The following NPTXR variants were observed in gnomAD, a reference collection of about 807,000 sequenced individuals.
The protein encoded by NPTXR is neuronal pentraxin receptor.
Under a neutral mutation model 32.2 loss-of-function variants are expected in NPTXR, and 12 were observed. That is an observed-to-expected ratio of 0.37 (90% confidence interval 0.24 to 0.60). NPTXR has a LOEUF of 0.60. Among genes scored for constraint, NPTXR ranks in the 20% least tolerant of loss-of-function variants. The pLI, the probability that NPTXR is intolerant of heterozygous loss-of-function variation, is 0.66. For synonymous variants in NPTXR, 323 were observed against 315.8 expected (o/e 1.02, Z -0.24); for missense variants, 612 against 682.9 (o/e 0.90, Z 1.16).
chr22:38,826,852 C>CT, intron 2 of NPTXR, 105 bp from the exon 3 acceptor site: 1 of 1,339,560 alleles, frequency 7.5e-7, no homozygotes, highest in Non-Finnish European at 1.0e-6. Context: ...CAGGCACCTG[C>CT]TGCATGCCCA....
At chr22:38,830,253 G>C (rs543558358) in intron 1 of NPTXR, among the ~76,000 whole-genome samples, 2 of 152,334 alleles carry the variant, frequency 1.3e-5, no homozygotes, top group African/African-American at 4.8e-5. Flanking sequence ...ATAAGATGGA[G>C]ACACGGAATG....
intron 3 of NPTXR, among the ~76,000 whole-genome samples, chr22:38,824,057 A>T (rs1041998872): frequency 1.3e-5 from 2 of 151,692 alleles, no homozygotes; most frequent in Non-Finnish European, 2.9e-5. Context: ...AGCTCACCAC[A>T]GCCTCCATCT....
At chr22:38,833,655 ATTT>A (rs5845398) in intron 1 of NPTXR, among the ~76,000 whole-genome samples, 4 of 138,044 alleles carry the variant, frequency 2.9e-5, no homozygotes, top group Admixed American at 1.4e-4. Context: ...GTGACTAACA[ATTT>A]TTTTTTTTTT....
chr22:38,836,522 C>A (rs1487451243), intron 1 of NPTXR, among the ~76,000 whole-genome samples: 4 of 152,232 alleles, frequency 2.6e-5, no homozygotes, highest in Non-Finnish European at 5.9e-5. Flanking sequence ...CAGCTGTCTG[C>A]GTCCATTTGT....
chr22:38,836,865 A>C (rs1031373464), intron 1 of NPTXR, among the ~76,000 whole-genome samples: 2 of 152,148 alleles, frequency 1.3e-5, no homozygotes, highest in Admixed American at 6.6e-5. Context: ...CCCAGGCTGT[A>C]GTGCAGTGGT....
rs2093091211 is a variant in NPTXR, at chr22:38,818,482, T to G, written c.*4127A>C. ...GTAAACAGCATGTTTATTTTGAACA[T>G]TCAAGTTTACAAAAACAAAAAGGTA... is the stretch of plus-strand genomic sequence containing the variant. On this transcript the variant is annotated 3_prime_UTR_variant, in exon 5 of 5. Coordinates refer to ENST00000333039, the MANE Select transcript of NPTXR (RefSeq NM_014293.4). The surrounding 1 kb of genome is among the most constrained non-coding windows in gnomAD (Gnocchi z 4.5). 6.6e-6 allele frequency: 1 copy of G among 152,476 alleles called. No individual in the cohort carries two copies. The highest frequency in any genetic ancestry group is 6.6e-5 in the Admixed American group (1 of 15,252). The allele number at this position is 152,476 out of a possible 1,614,324, so 9.4% of individuals were successfully genotyped here.
chr22:38,839,105 G>A (rs2093128557), intron 1 of NPTXR, among the ~76,000 whole-genome samples: 1 of 152,208 alleles, frequency 6.6e-6, no homozygotes, highest in Admixed American at 6.5e-5. Flanking sequence ...CATAGTAAGT[G>A]CTCAGTAAGT....
intron 1 of NPTXR, among the ~76,000 whole-genome samples, chr22:38,828,888 C>T (rs1166010976): frequency 6.6e-6 from 1 of 152,230 alleles, no homozygotes; most frequent in Non-Finnish European, 1.5e-5. Context: ...CACTGATAGG[C>T]TGGTAAAGGG....
intron 1 of NPTXR, among the ~76,000 whole-genome samples, chr22:38,830,888 C>T (rs1482033441): frequency 1.3e-5 from 2 of 152,194 alleles, no homozygotes; most frequent in African/African-American, 4.8e-5. Context: ...TATCCACCCC[C>T]CCCACCTCTT....
Position 38,822,452 on chromosome 22 carries a change from T to G in NPTXR, c.*157A>C. The G allele has an allele frequency of 1.5e-6, 1 of 653,480 alleles. No homozygotes were observed. 40.5% of individuals were successfully genotyped at this position (653,480 alleles called of 1,614,324 possible). A position where few individuals can be genotyped will look rare whatever the true frequency, so the allele number is the denominator to read the frequency against. ...GGGGACACACTCGCAGGGCAGGGCA[T>G]TCTGGAGGTGTGGGTACAGGTGAGG... On this transcript the variant is annotated 3_prime_UTR_variant, in exon 5 of 5. Coordinates refer to ENST00000333039, the MANE Select transcript of NPTXR (RefSeq NM_014293.4).
intron 1 of NPTXR, among the ~76,000 whole-genome samples, chr22:38,842,149 C>T (rs1000931375): frequency 6.6e-6 from 1 of 152,164 alleles, no homozygotes; most frequent in African/African-American, 2.4e-5. Context: ...TAAAAAGCCC[C>T]GGGAGTAAGG....
In NPTXR at chr22:38,828,178, C is replaced by A. The variant is rs1216213037; in HGVS notation, c.850+109G>T. On this transcript the variant is annotated intron_variant, in intron 2 of 4. Transcript: ENST00000333039. ...ACTGTGTGTTCCACAGCCTCCTCCCCACCCTCCAGTCTGTCGATGTTAGCC... is the reference window on the plus strand; with the variant it reads ...ACTGTGTGTTCCACAGCCTCCTCCCAACCCTCCAGTCTGTCGATGTTAGCC... 1.7e-5 allele frequency: 14 copies of A among 829,332 alleles called. No individual in the cohort carries two copies. The Admixed American group carries it at 2.8e-4, about 17-fold the overall frequency. The allele number at this position is 829,332 out of a possible 1,614,324, so 51.4% of individuals were successfully genotyped here. A position where few individuals can be genotyped will look rare whatever the true frequency, so the allele number is the denominator to read the frequency against.
Position 38,843,850 on chromosome 22 carries a change from G to A in NPTXR, c.9C>T (p.Phe3=). ...TGCCCGCGGCCAGCAGCACGGCCAG[G>A]AACTTCAGCGTGAGGCGGGCGGCGG... is the stretch of plus-strand genomic sequence containing the variant. The change falls in exon 1 of 5, where the codon TTC becomes TTT. Residue 3 remains phenylalanine (F), a synonymous_variant. Transcript: ENST00000333039. The surrounding 1 kb of genome is among the most constrained non-coding windows in gnomAD (Gnocchi z 5.3). The A allele has an allele frequency of 1.0e-6, 1 of 1,003,674 alleles. No individual in the cohort carries two copies. The highest frequency in any genetic ancestry group is 1.2e-6 in the Non-Finnish European group (1 of 844,178). 62.2% of individuals were successfully genotyped at this position (1,003,674 alleles called of 1,614,324 possible).
chr22:38,842,452 A>G (rs2093132953), intron 1 of NPTXR, among the ~76,000 whole-genome samples: 1 of 152,198 alleles, frequency 6.6e-6, no homozygotes, highest in Admixed American at 6.5e-5. Flanking sequence ...CCAGGGGGGA[A>G]ATGACTGGCC....
intron 1 of NPTXR, among the ~76,000 whole-genome samples, chr22:38,842,219 T>C (rs1056598569): frequency 1.8e-4 from 28 of 152,344 alleles, no homozygotes; most frequent in Non-Finnish European, 7.4e-5. Context: ...GCACTCCACC[T>C]GGGTGGAGGT....
At chr22:38,824,706 T>G (rs1381435886) in intron 3 of NPTXR, among the ~76,000 whole-genome samples, 1 of 152,146 alleles carries the variant, frequency 6.6e-6, no homozygotes, top group Non-Finnish European at 1.5e-5. Context: ...GGTGCTGAAT[T>G]CCTTCTAATG....
chr22:38,837,845 T>TTTTATTTTATTTTATTTTATTTTATTTTA (rs2093126267), intron 1 of NPTXR, among the ~76,000 whole-genome samples: 3 of 139,998 alleles, frequency 2.1e-5, no homozygotes, highest in Non-Finnish European at 3.2e-5. Context: ...TTATTTTTAT[T>TTTTATTTTATTTTATTTTATTTTATTTTA]TTTTATTTTA....
intron 1 of NPTXR, among the ~76,000 whole-genome samples, chr22:38,837,155 G>A (rs563356299): frequency 6.6e-6 from 1 of 152,312 alleles, no homozygotes; most frequent in African/African-American, 2.4e-5. Flanking sequence ...GGAAACTGAG[G>A]CTGAGAAAGT....
Position 38,843,909 on chromosome 22 carries a change from G to A in NPTXR, c.-51C>T. The A allele has an allele frequency of 1.0e-6, 1 of 963,290 alleles. No homozygotes were observed. The highest frequency in any genetic ancestry group is 1.2e-6 in the Non-Finnish European group (1 of 812,386). 59.7% of individuals were successfully genotyped at this position (963,290 alleles called of 1,614,324 possible). On this transcript the variant is annotated 5_prime_UTR_variant, in exon 1 of 5. Transcript: ENST00000333039. This position sits in a 1 kb window ranked among gnomAD's most constrained non-coding sequence, Gnocchi z 5.3. ...GAGGCCCCCGGCAGGCGCGGCGGCG[G>A]GGTCGGGGCGCGGAGCCCGGGCGCG...
Sources: allele counts gnomAD v4.1 joint callset (sites outside exome capture counted in the v4.1 genomes callset), GRCh38; gene constraint gnomAD v4.1.1; non-coding constraint Gnocchi (gnomAD v3.1); transcripts MANE v1.5; gene names NCBI Gene and HGNC (gene_info 2026-07-23, HGNC 2026-07-21).